Variants in GMNC observed in about 807,000 individuals in gnomAD.
The protein encoded by GMNC is geminin coiled-coil domain containing.
GMNC carries 16 observed loss-of-function variants against 33.6 expected under a neutral mutation model. The ratio of observed to expected loss-of-function variants is 0.48; its 90% CI spans 0.32 to 0.72. The LOEUF (loss-of-function observed/expected upper bound fraction) is 0.72. GMNC is among the 30% of genes least tolerant of loss of function. The probability of loss-of-function intolerance (pLI) is 0.03; values close to 1 mark genes in which losing one functional copy is unlikely to be tolerated. For synonymous variants in GMNC, 156 were observed against 147.3 expected (o/e 1.06, Z -0.43); for missense variants, 393 against 388.9 (o/e 1.01, Z -0.09).
At chr3:190,855,961 T>C in intron 4 of GMNC, 46 bp from the exon 5 acceptor site, 1 of 1,383,674 alleles carries the variant, frequency 7.2e-7, no homozygotes. Flanking sequence ...ATATATTTAC[T>C]AGTTAACTAA....
intron 2 of GMNC, 120 bp downstream of exon 2, chr3:190,860,564 G>A: frequency 1.2e-6 from 1 of 802,500 alleles, no homozygotes; most frequent in Non-Finnish European, 1.9e-6. Context: ...AGGAGTCCTT[G>A]GGTTTACTTA....
In GMNC at chr3:190,853,701, T is replaced by C. The variant is rs1017213693; in HGVS notation, c.*1594A>G. ...AGAAAAATGAGAACAGGTTTCAACA[T>C]GAAAGATTTCATCATTAATTGAAGT... On this transcript the variant is annotated 3_prime_UTR_variant, in exon 5 of 5. Transcript: ENST00000442080. 1 of 152,054 alleles carries C rather than the reference T, an allele frequency of 6.6e-6. No individual in the cohort carries two copies. Among genetic ancestry groups the C allele is most frequent in the South Asian group, 2.1e-4 (1 of 4,826 alleles). The allele number at this position is 152,054 out of a possible 1,614,324, so 9.4% of individuals were successfully genotyped here. A position where few individuals can be genotyped will look rare whatever the true frequency, so the allele number is the denominator to read the frequency against.
Position 190,862,611 on chromosome 3 carries a change from A to G in GMNC, c.3+2T>C. On this transcript the variant is annotated splice_donor_variant, in intron 1 of 4. Coordinates refer to ENST00000442080, the MANE Select transcript of GMNC (RefSeq NM_001146686.3). LOFTEE classifies it high-confidence loss of function. The surrounding 1 kb of genome is among the most constrained non-coding windows in gnomAD (Gnocchi z 4.5). ...ACTAGCTAACGCCAGTTCCTCACTT[A>G]CCATCTTGCAGTGGAAGAAAGCGCT... 1.9e-6 allele frequency: 3 copies of G among 1,551,462 alleles called. No individual in the cohort carries two copies. The highest frequency in any genetic ancestry group is 2.6e-6 in the Non-Finnish European group (3 of 1,146,334).
chr3:190,843,639 C>T, the GMNC span, among the ~76,000 whole-genome samples: 1 of 152,120 alleles, frequency 6.6e-6, no homozygotes, highest in African/African-American at 2.4e-5. Context: ...ACTCCTTCTC[C>T]CTTCACAAAG....
rs1224188561 is a variant in GMNC at position 190,853,090 on chromosome 3, A to T, written c.*2205T>A. On this transcript the variant is annotated 3_prime_UTR_variant, in exon 5 of 5. Transcript: ENST00000442080. ...TGGGCCAAAATTAAGTTTCATTTAA[A>T]AGCTATCAAAAGCTATGACATTTTA... 1 of 152,156 alleles carries T rather than the reference A, an allele frequency of 6.6e-6. No individual in the cohort carries two copies. Among genetic ancestry groups the T allele is most frequent in the Non-Finnish European group, 1.5e-5 (1 of 67,992 alleles). 9.4% of individuals were successfully genotyped at this position (152,156 alleles called of 1,614,324 possible).
chr3:190,858,652 A>C (rs1017198356), intron 3 of GMNC, among the ~76,000 whole-genome samples: 3 of 152,258 alleles, frequency 2.0e-5, no homozygotes, highest in Non-Finnish European at 4.4e-5. Flanking sequence ...TACAAGGTTT[A>C]CAATTCCATA....
chr3:190,845,994 A>G, the GMNC span, among the ~76,000 whole-genome samples: 1 of 152,072 alleles, frequency 6.6e-6, no homozygotes, highest in African/African-American at 2.4e-5. Flanking sequence ...TTGGGAGGTG[A>G]AGGCGGGTGA....
chr3:190,859,259 G>C lies in GMNC; in HGVS notation c.179-243C>G, dbSNP rs188700198. On this transcript the variant is annotated intron_variant, in intron 2 of 4. Transcript: ENST00000442080. ...AAGGTAAATTTTTTTAAGCAGTAAG[G>C]GGTCACATTCTTGCCTAATATATGT... Among the ~76,000 whole-genome samples the C allele has an allele frequency of 1.3e-3, 193 of 152,206 alleles. 2 individuals carry two copies. Among genetic ancestry groups the C allele is most frequent in the African/African-American group, 4.2e-3 (174 of 41,540 alleles).
intron 3 of GMNC, 114 bp downstream of exon 3, chr3:190,858,814 T>C (rs1437499014): frequency 5.1e-6 from 3 of 589,810 alleles, no homozygotes; most frequent in Middle Eastern, 2.6e-4. Context: ...ACCAGTCACT[T>C]TGGTTCTAAA....
At chr3:190,860,641 A>G (rs1412360253) in intron 2 of GMNC, 43 bp downstream of exon 2, 3 of 1,499,924 alleles carry the variant, frequency 2.0e-6, no homozygotes, top group Non-Finnish European at 1.8e-6. Flanking sequence ...GGGTATGGAA[A>G]AGAGCTCCAG....
In GMNC at chr3:190,860,811, G is replaced by A. The variant is rs777110569; in HGVS notation, c.51C>T (p.Ser17=). Residue 17 remains serine, a synonymous_variant, in exon 2 of 5, where the codon AGC becomes AGT. Transcript: ENST00000442080. ...CQDQYFVGGQ[S]YNCPYSTTTS... is the part of the protein sequence containing the mutation. ...TTGTAGTGGAATACGGGCAATTATA[G>A]CTCTGGCCTCCTACAAAGTACTGGT... is the stretch of plus-strand genomic sequence containing the variant. The A allele has an allele frequency of 2.3e-5, 36 of 1,551,260 alleles. No homozygotes were observed. The South Asian group carries it at 3.6e-4, about 15-fold the overall frequency.
Position 190,854,478 on chromosome 3 carries a change from T to A in GMNC, c.*817A>T, listed in dbSNP as rs767015462. On this transcript the variant is annotated 3_prime_UTR_variant, in exon 5 of 5. Transcript: ENST00000442080. ...AGCTAGGTTAGTCTATTTTCAGCAA[T>A]AGGAGTTTGTCAGCATCTGGGTAGT... 6 of 152,120 alleles carry A rather than the reference T, an allele frequency of 3.9e-5. No individual in the cohort carries two copies. The highest frequency in any genetic ancestry group is 8.8e-5 in the Non-Finnish European group (6 of 68,006). 9.4% of individuals were successfully genotyped at this position (152,120 alleles called of 1,614,324 possible).
downstream of GMNC, among the ~76,000 whole-genome samples, chr3:190,852,025 AC>A (rs1560035177): frequency 7.8e-6 from 1 of 128,182 alleles, no homozygotes; most frequent in African/African-American, 3.6e-5. Context: ...AAGTTGAAAA[AC>A]ATTATATATT....
the GMNC span, among the ~76,000 whole-genome samples, chr3:190,845,507 C>CTTTTTTTTTTTTTTTTTT: frequency 7.4e-6 from 1 of 134,650 alleles, no homozygotes; most frequent in African/African-American, 3.2e-5. Flanking sequence ...TATTTTGAAA[C>CTTTTTTTTTTTTTTTTTT]CTTTTTTTTT....
chr3:190,847,101 T>C, the GMNC span, among the ~76,000 whole-genome samples: 1 of 152,354 alleles, frequency 6.6e-6, no homozygotes, highest in South Asian at 2.1e-4. Context: ...TTACTCAAAG[T>C]TGCTGCTTCC....
chr3:190,860,288 A>G (rs963830747), intron 2 of GMNC, among the ~76,000 whole-genome samples: 1 of 152,250 alleles, frequency 6.6e-6, no homozygotes, highest in Non-Finnish European at 1.5e-5. Context: ...AAATTAAGTT[A>G]GTATTTCTTG....
At position 190,862,370 on chromosome 3, in the gene GMNC, G is replaced by GAGAC. The variant is rs1194738013; in HGVS notation, c.3+242_3+243insGTCT. ...AAAGTAGTAATAACAGAAAGAGAGA[G>GAGAC]AGAGGGCGAGAGAGAGAAAGGAGAG... is the stretch of plus-strand genomic sequence containing the variant. On this transcript the variant is annotated intron_variant, in intron 1 of 4. Transcript: ENST00000442080. This position sits in a 1 kb window ranked among gnomAD's most constrained non-coding sequence, Gnocchi z 4.5. Among the ~76,000 whole-genome samples, 1 of 151,266 alleles carries GAGAC rather than the reference G, an allele frequency of 6.6e-6. No homozygotes were observed. The highest frequency in any genetic ancestry group is 2.4e-5 in the African/African-American group (1 of 41,016).
At chr3:190,859,158 C>A (rs982829846) in intron 2 of GMNC, 142 bp from the exon 3 acceptor site, 106 of 587,998 alleles carry the variant, frequency 1.8e-4, no homozygotes, top group Admixed American at 1.5e-3. Flanking sequence ...GAAAACAAGA[C>A]ATTTAAAGTT....
chr3:190,844,531 A>T, the GMNC span, among the ~76,000 whole-genome samples: 1 of 151,612 alleles, frequency 6.6e-6, no homozygotes. Context: ...TTATCAAGGA[A>T]AAATATGTTA....
Sources: allele counts gnomAD v4.1 joint callset (sites outside exome capture counted in the v4.1 genomes callset), GRCh38; gene constraint gnomAD v4.1.1; non-coding constraint Gnocchi (gnomAD v3.1); transcripts MANE v1.5; gene names NCBI Gene and HGNC (gene_info 2026-07-23, HGNC 2026-07-21).